CNTNAP2: variants seen among roughly 807,000 people sequenced by gnomAD.
The protein encoded by CNTNAP2 is contactin associated protein 2.
CNTNAP2 carries 98 observed loss-of-function variants against 155.2 expected under a neutral mutation model. The ratio of observed to expected loss-of-function variants is 0.63; its 90% CI spans 0.54 to 0.75. The LOEUF (loss-of-function observed/expected upper bound fraction) is 0.75. CNTNAP2 is among the 30% of genes least tolerant of loss of function. The pLI is 0.00. For synonymous variants in CNTNAP2, 651 were observed against 631.2 expected (o/e 1.03, Z -0.47); for missense variants, 1,727 against 1,688.1 (o/e 1.02, Z -0.40).
chr7:146,537,977 A>G (rs145685627), intron 1 of CNTNAP2, among the ~76,000 whole-genome samples: 81 of 152,216 alleles, frequency 5.3e-4, no homozygotes, highest in African/African-American at 1.9e-3. Context: ...CAGGAATAAC[A>G]TAATCTGATT....
intron 3 of CNTNAP2, among the ~76,000 whole-genome samples, chr7:146,892,772 T>C (rs1328454366): frequency 6.6e-6 from 1 of 152,150 alleles, no homozygotes; most frequent in East Asian, 1.9e-4. Context: ...TGAGACACTA[T>C]CTCAAAGAAA....
rs143655631 is a variant in CNTNAP2 at position 147,689,298 on chromosome 7, C to T, written c.2098+49992C>T. 5.1e-4 allele frequency among the ~76,000 whole-genome samples: 77 copies of T among 152,026 alleles called. 1 individual carries two copies. The East Asian group carries it at 0.014, about 27-fold the overall frequency. On this transcript the variant is annotated intron_variant, in intron 13 of 23. Transcript: ENST00000361727. ...CTGAGTAGCTGGGATTACAGTTACG[C>T]ACCACCAAGCCCAGTTAATTTTTTG...
intron 8 of CNTNAP2, among the ~76,000 whole-genome samples, chr7:147,141,243 C>G (rs1275383841): frequency 6.6e-6 from 1 of 152,144 alleles, no homozygotes; most frequent in Non-Finnish European, 1.5e-5. Context: ...CACCACCCTT[C>G]TTTTAAAGTG....
intron 1 of CNTNAP2, among the ~76,000 whole-genome samples, chr7:146,373,118 A>G (rs1411405868): frequency 5.3e-5 from 8 of 152,180 alleles, no homozygotes; most frequent in African/African-American, 1.9e-4. Context: ...GCAGACATTG[A>G]AAAATCCTTC....
intron 1 of CNTNAP2, among the ~76,000 whole-genome samples, chr7:146,132,298 C>T (rs898930060): frequency 3.3e-5 from 5 of 152,106 alleles, no homozygotes; most frequent in Non-Finnish European, 7.4e-5. Flanking sequence ...ATAAAGAGTA[C>T]GAACTTCATA....
chr7:146,174,655 T>A (rs553038954), intron 1 of CNTNAP2, among the ~76,000 whole-genome samples: 1 of 151,942 alleles, frequency 6.6e-6, no homozygotes, highest in South Asian at 2.1e-4. Context: ...CTGGCCAATA[T>A]GGCGAAACCC....
rs1458481090 is a variant in CNTNAP2 at position 147,383,600 on chromosome 7, C to T, written c.1499-12009C>T. Among the ~76,000 whole-genome samples the T allele has an allele frequency of 2.6e-5, 4 of 152,054 alleles. No individual in the cohort carries two copies. The East Asian group carries it at 7.8e-4, about 30-fold the overall frequency. Reference sequence around the variant, plus strand: ...ACACATGGACACAGGGAGGGGAACACCACGCACCGGGGCCTGTCGGGGTGG... The same window carrying T: ...ACACATGGACACAGGGAGGGGAACATCACGCACCGGGGCCTGTCGGGGTGG... On this transcript the variant is annotated intron_variant, in intron 9 of 23. Coordinates refer to ENST00000361727, the MANE Select transcript of CNTNAP2 (RefSeq NM_014141.6).
At position 146,558,827 on chromosome 7, in the gene CNTNAP2, C is replaced by A. The variant is rs1321934846; in HGVS notation, c.98-215444C>A. Among the ~76,000 whole-genome samples the A allele has an allele frequency of 2.0e-5, 3 of 152,224 alleles. No homozygotes were observed. In the East Asian group the frequency reaches 5.8e-4, roughly 29 times the overall value. The stretch of plus-strand genomic sequence containing the variant: ...CTGCTTCTATTAACTACTTCAGATT[C>A]ATCACCTAAGTGGTACCATGTAGTA... On this transcript the variant is annotated intron_variant, in intron 1 of 23. Coordinates refer to ENST00000361727, the MANE Select transcript of CNTNAP2 (RefSeq NM_014141.6).
chr7:147,401,563 G>C (rs527732814), intron 10 of CNTNAP2, among the ~76,000 whole-genome samples: 42 of 152,276 alleles, frequency 2.8e-4, no homozygotes, highest in Non-Finnish European at 5.0e-4. Flanking sequence ...AAAGGCGAAT[G>C]AAAGCAGTCA....
chr7:148,348,039 T>C (rs972381815), intron 21 of CNTNAP2, among the ~76,000 whole-genome samples: 1 of 152,248 alleles, frequency 6.6e-6, no homozygotes, highest in African/African-American at 2.4e-5. Flanking sequence ...ACTCTTTGGC[T>C]AGTTTTATCT....
At chr7:146,371,718 G>A (rs994331296) in intron 1 of CNTNAP2, among the ~76,000 whole-genome samples, 3 of 151,796 alleles carry the variant, frequency 2.0e-5, no homozygotes, top group Admixed American at 6.6e-5. Context: ...GTGGTAGGCC[G>A]AGGTGGGCGG....
chr7:146,742,067 TAA>T (rs11397176), intron 1 of CNTNAP2, among the ~76,000 whole-genome samples: 61 of 146,656 alleles, frequency 4.2e-4, no homozygotes, highest in Middle Eastern at 3.5e-3. Context: ...TAGACTGTGT[TAA>T]AAAAAAAAAA....
chr7:147,870,952 A>G (rs1799317243), intron 13 of CNTNAP2, among the ~76,000 whole-genome samples: 1 of 151,868 alleles, frequency 6.6e-6, no homozygotes, highest in South Asian at 2.1e-4. Context: ...ACCCTCAACT[A>G]TTACCTGGTC....
chr7:146,650,002 G>T (rs1470414023), intron 1 of CNTNAP2, among the ~76,000 whole-genome samples: 1 of 152,148 alleles, frequency 6.6e-6, no homozygotes, highest in Non-Finnish European at 1.5e-5. Flanking sequence ...TCATCAAAAT[G>T]TCAGGAAACA....
chr7:147,293,006 G>T (rs1218095909), intron 8 of CNTNAP2, among the ~76,000 whole-genome samples: 3 of 152,152 alleles, frequency 2.0e-5, no homozygotes, highest in Non-Finnish European at 2.9e-5. Context: ...GACCTTGGGT[G>T]ATATGCCCGC....
intron 9 of CNTNAP2, among the ~76,000 whole-genome samples, chr7:147,315,141 C>T (rs1341842942): frequency 6.8e-6 from 1 of 148,122 alleles, no homozygotes; most frequent in East Asian, 1.9e-4. Flanking sequence ...TCTTTGGCTG[C>T]CTTCTTAGTA....
intron 1 of CNTNAP2, among the ~76,000 whole-genome samples, chr7:146,166,592 T>A (rs1798316064): frequency 6.6e-6 from 1 of 152,186 alleles, no homozygotes; most frequent in Admixed American, 6.5e-5. Context: ...AATGTAGCAA[T>A]ATACACGGTT....
chr7:146,257,464 A>G (rs1190558230), intron 1 of CNTNAP2, among the ~76,000 whole-genome samples: 1 of 152,180 alleles, frequency 6.6e-6, no homozygotes, highest in Non-Finnish European at 1.5e-5. Flanking sequence ...GGTGTACTTG[A>G]CTTTCCATTT....
At chr7:147,750,510 TTA>T (rs1797116530) in intron 13 of CNTNAP2, among the ~76,000 whole-genome samples, 1 of 152,224 alleles carries the variant, frequency 6.6e-6, no homozygotes, top group African/African-American at 2.4e-5. Flanking sequence ...ATAATTGCAT[TTA>T]CTTTTTAAAA....
Sources: gnomAD v4.1 joint callset for allele counts (sites outside exome capture counted in the v4.1 genomes callset) on GRCh38, gnomAD v4.1.1 for gene constraint, MANE v1.5 for transcripts, NCBI Gene and HGNC (gene_info 2026-07-23, HGNC 2026-07-21) for gene names.